Variants in RAB40B observed in about 807,000 individuals in gnomAD.
RAB40B encodes RAB40B, member RAS oncogene family.
RAB40B carries 21 observed loss-of-function variants against 24.0 expected under a neutral mutation model. The observed-to-expected ratio is 0.88, with a 90% confidence interval of 0.62 to 1.26. RAB40B has a LOEUF of 1.26. Among genes scored for constraint, RAB40B ranks in the 50% most tolerant of loss-of-function variants. The pLI, the probability that RAB40B is intolerant of heterozygous loss-of-function variation, is 0.00. For missense variants in RAB40B, 348 were observed against 390.5 expected (o/e 0.89, Z 0.92); for synonymous variants, 167 against 169.8 (o/e 0.98, Z 0.13).
chr17:82,676,181 G>A (rs1388592415), intron 1 of RAB40B, among the ~76,000 whole-genome samples: 5 of 152,272 alleles, frequency 3.3e-5, no homozygotes, highest in African/African-American at 9.6e-5. Context: ...AGCAGTCCAC[G>A]TCAGCTCAGC....
At chr17:82,669,533 G>A (rs190553465) in intron 1 of RAB40B, among the ~76,000 whole-genome samples, 11 of 151,984 alleles carry the variant, frequency 7.2e-5, no homozygotes, top group Admixed American at 2.6e-4. Flanking sequence ...CACACCTGTC[G>A]TCCCAGCTTC....
At chr17:82,661,724 T>G (rs1229124995) in intron 2 of RAB40B, among the ~76,000 whole-genome samples, 1 of 151,830 alleles carries the variant, frequency 6.6e-6, no homozygotes, top group Non-Finnish European at 1.5e-5. Context: ...CCGTCTCTAC[T>G]AAAAATACAA....
chr17:82,681,372 C>T (rs1016955286), intron 1 of RAB40B, among the ~76,000 whole-genome samples: 17 of 152,118 alleles, frequency 1.1e-4, no homozygotes, highest in African/African-American at 3.6e-4. Flanking sequence ...TAGAAGCAGC[C>T]GTCTGGGAGA....
intron 3 of RAB40B, among the ~76,000 whole-genome samples, chr17:82,660,691 C>T (rs1486325073): frequency 7.9e-6 from 1 of 126,026 alleles, no homozygotes; most frequent in Non-Finnish European, 1.9e-5. Flanking sequence ...CACATGTACA[C>T]ACACACACAC....
rs574751364 is a variant in RAB40B, at chr17:82,661,317, T to G, written c.204-270A>C. The G allele has an allele frequency of 1.1e-5, 13 of 1,206,034 alleles. No individual in the cohort carries two copies. The East Asian group carries it at 4.7e-4, about 44-fold the overall frequency. 74.7% of individuals were successfully genotyped at this position (1,206,034 alleles called of 1,614,324 possible). A position where few individuals can be genotyped will look rare whatever the true frequency, so the allele number is the denominator to read the frequency against. On this transcript the variant is annotated intron_variant, in intron 2 of 5. Coordinates refer to ENST00000571995, the MANE Select transcript of RAB40B (RefSeq NM_006822.3). ...TTAACATAATTCTCAGATATTTAAATACATTCAATGTAGGCTTTAAAAAAC... is the reference window on the plus strand; with the variant it reads ...TTAACATAATTCTCAGATATTTAAAGACATTCAATGTAGGCTTTAAAAAAC...
chr17:82,690,442 G>C (rs1282046576), intron 1 of RAB40B, among the ~76,000 whole-genome samples: 1 of 133,878 alleles, frequency 7.5e-6, no homozygotes, highest in Non-Finnish European at 1.5e-5. Context: ...GTGTGTCCAG[G>C]AGAAGATCTG....
intron 1 of RAB40B, 130 bp downstream of exon 1, chr17:82,698,325 C>T (rs1254655293): frequency 2.3e-5 from 21 of 894,422 alleles, no homozygotes; most frequent in Non-Finnish European, 3.0e-5. Context: ...GCCACGCGCC[C>T]CGGCCTCTTC....
At chr17:82,676,310 T>C (rs865961557) in intron 1 of RAB40B, among the ~76,000 whole-genome samples, 17 of 44,954 alleles carry the variant, frequency 3.8e-4, no homozygotes, top group Admixed American at 5.9e-4. Context: ...AGCCTCTCCC[T>C]CCACACAGTG....
Position 82,675,754 on chromosome 17 carries a change from C to T in RAB40B, c.143-11198G>A, listed in dbSNP as rs999795993. Among the ~76,000 whole-genome samples, 3 of 152,180 alleles carry T rather than the reference C, an allele frequency of 2.0e-5. No homozygotes were observed. The highest frequency in any genetic ancestry group is 7.2e-5 in the African/African-American group (3 of 41,424). On this transcript the variant is annotated intron_variant, in intron 1 of 5. Coordinates refer to ENST00000571995, the MANE Select transcript of RAB40B (RefSeq NM_006822.3). This position sits in a 1 kb window ranked among gnomAD's most constrained non-coding sequence, Gnocchi z 4.5. Reference sequence around the variant, plus strand: ...TCCCATCCACAAAGCCCCACGTGACCTAATCATCTTCCAATAGCCCCATCT... The same window carrying T: ...TCCCATCCACAAAGCCCCACGTGACTTAATCATCTTCCAATAGCCCCATCT...
At chr17:82,682,687 G>T (rs2143531347) in intron 1 of RAB40B, among the ~76,000 whole-genome samples, 1 of 152,314 alleles carries the variant, frequency 6.6e-6, no homozygotes, top group South Asian at 2.1e-4. Context: ...AAATGGAACA[G>T]AATTGAGTCT....
chr17:82,662,641 G>A (rs7210081), intron 2 of RAB40B: 196,744 of 985,116 alleles, frequency 0.2, 20,212 homozygotes, highest in African/African-American at 0.22. Flanking sequence ...TCAGACGACA[G>A]TGTGGACAGA....
In RAB40B at chr17:82,697,370, C is replaced by A. The variant is rs1470770513; in HGVS notation, c.142+1085G>T. On this transcript the variant is annotated intron_variant, in intron 1 of 5. Transcript: ENST00000571995. The surrounding 1 kb of genome is among the most constrained non-coding windows in gnomAD (Gnocchi z 4.9). The stretch of plus-strand genomic sequence containing the variant: ...TCCTCCCACCCTCTCCCGCTAAGTT[C>A]GTCTCTGGCAGGACCCTGGACCTGG... Among the ~76,000 whole-genome samples the A allele has an allele frequency of 6.6e-6, 1 of 152,178 alleles. No homozygotes were observed. The highest frequency in any genetic ancestry group is 1.5e-5 in the Non-Finnish European group (1 of 68,028).
At chr17:82,670,185 T>C (rs1350883849) in intron 1 of RAB40B, among the ~76,000 whole-genome samples, 2 of 144,422 alleles carry the variant, frequency 1.4e-5, no homozygotes, top group African/African-American at 5.2e-5. Context: ...AATCTTTTTT[T>C]TTTTTTTTTT....
chr17:82,678,671 C>T (rs1598309103), intron 1 of RAB40B, among the ~76,000 whole-genome samples: 1 of 152,296 alleles, frequency 6.6e-6, no homozygotes, highest in South Asian at 2.1e-4. Context: ...TGAGTTAAAA[C>T]ACCGGAAAGC....
intron 1 of RAB40B, among the ~76,000 whole-genome samples, chr17:82,672,754 G>A (rs1049140840): frequency 6.6e-6 from 1 of 152,204 alleles, no homozygotes; most frequent in South Asian, 2.1e-4. Flanking sequence ...TGTAAGAAAT[G>A]CATTTATTTT....
At chr17:82,684,220 CA>C (rs34778953) in intron 1 of RAB40B, among the ~76,000 whole-genome samples, 69 of 120,294 alleles carry the variant, frequency 5.7e-4, no homozygotes, top group South Asian at 2.0e-3. Context: ...GACTCTGTCT[CA>C]AAAAAAAAAA....
At chr17:82,666,173 C>T (rs878878) in intron 1 of RAB40B, among the ~76,000 whole-genome samples, 42,475 of 151,808 alleles carry the variant, frequency 0.28, 6,089 homozygotes, top group East Asian at 0.34. Context: ...ACCTCCTGGA[C>T]TCAAGTGATC....
At position 82,657,757 on chromosome 17, in the gene RAB40B, A is replaced by T; in HGVS notation, c.*106T>A. 1 of 1,338,430 alleles carries T rather than the reference A, an allele frequency of 7.5e-7. No homozygotes were observed. The highest frequency in any genetic ancestry group is 1.1e-6 in the Non-Finnish European group (1 of 930,242). 82.9% of individuals were successfully genotyped at this position (1,338,430 alleles called of 1,614,324 possible). On this transcript the variant is annotated 3_prime_UTR_variant, in exon 6 of 6. Transcript: ENST00000571995. ...GAAGGCGTCGCACACATTCGCAAGC[A>T]GCATTCGCCGAGAGGAACCGGGATC...
At position 82,683,805 on chromosome 17, in the gene RAB40B, CAAAA is replaced by C. The variant is rs35145848; in HGVS notation, c.142+14646_142+14649del. Among the ~76,000 whole-genome samples the C allele has an allele frequency of 9.6e-3, 870 of 90,816 alleles. 6 individuals carry two copies. The highest frequency in any genetic ancestry group is 0.031 in the South Asian group (86 of 2,760). The allele number at this position is 90,816 out of a possible 152,430, so 59.6% of individuals were successfully genotyped here. A position where few individuals can be genotyped will look rare whatever the true frequency, so the allele number is the denominator to read the frequency against. On this transcript the variant is annotated intron_variant, in intron 1 of 5. Transcript: ENST00000571995. The stretch of plus-strand genomic sequence containing the variant: ...GGGCAACAGAGCAAGACCCTGTTTC[CAAAA>C]AAAAAAAAAAAAAAGAAAAGAAAAG...
Sources: allele counts gnomAD v4.1 joint callset (sites outside exome capture counted in the v4.1 genomes callset), GRCh38; gene constraint gnomAD v4.1.1; non-coding constraint Gnocchi (gnomAD v3.1); transcripts MANE v1.5; gene names NCBI Gene and HGNC (gene_info 2026-07-23, HGNC 2026-07-21).